TRIM71: variants seen among roughly 807,000 people sequenced by gnomAD.
TRIM71 encodes E3 ubiquitin-protein ligase TRIM71.
TRIM71 carries 9 observed loss-of-function variants against 61.2 expected under a neutral mutation model. The ratio of observed to expected loss-of-function variants is 0.15; its 90% CI spans 0.09 to 0.26. The LOEUF is 0.26. Among genes scored for constraint, TRIM71 ranks in the 10% least tolerant of loss-of-function variants. The pLI, the probability that TRIM71 is intolerant of heterozygous loss-of-function variation, is 1.00. For synonymous variants in TRIM71, 645 were observed against 553.2 expected, an observed-to-expected ratio of 1.17 and a Z score of -2.33; for missense variants, 998 against 1,238.7, an observed-to-expected ratio of 0.81 and a Z score of 2.92.
At chr3:32,846,525 T>C (rs998370216) in intron 1 of TRIM71, among the ~76,000 whole-genome samples, 3 of 152,238 alleles carry the variant, frequency 2.0e-5, no homozygotes, top group Non-Finnish European at 2.9e-5. Flanking sequence ...TTAAAATATT[T>C]AAAATCTGTT....
chr3:32,886,963 G>T (rs1451283978), intron 3 of TRIM71, among the ~76,000 whole-genome samples: 1 of 152,224 alleles, frequency 6.6e-6, no homozygotes. Context: ...TCTGACAAGA[G>T]ACTTTGGAGG....
rs559535924 is a variant in TRIM71 at position 32,839,639 on chromosome 3, G to A, written c.852+20707G>A. Among the ~76,000 whole-genome samples, 566 of 112,424 alleles carry A rather than the reference G, an allele frequency of 5.0e-3. 6 individuals carry two copies. Among genetic ancestry groups the A allele is most frequent in the African/African-American group, 0.018 (546 of 30,166 alleles). 73.8% of individuals were successfully genotyped at this position (112,424 alleles called of 152,430 possible). ...TGTTGAGTCTTCACTGTAGTAAGTC[G>A]AATTGATTATTGAGCTTTTTTTGGG... On this transcript the variant is annotated intron_variant, in intron 1 of 3. Transcript: ENST00000383763.
At chr3:32,889,200 A>G (rs538320300) in intron 3 of TRIM71, among the ~76,000 whole-genome samples, 2 of 152,198 alleles carry the variant, frequency 1.3e-5, no homozygotes, top group South Asian at 2.1e-4. Context: ...AGTACCTCCA[A>G]TGCCTGGCAA....
At chr3:32,884,331 A>G (rs879724041) in intron 2 of TRIM71, among the ~76,000 whole-genome samples, 7 of 152,166 alleles carry the variant, frequency 4.6e-5, no homozygotes, top group Non-Finnish European at 1.0e-4. Flanking sequence ...GAGCAAGTCA[A>G]ACTGTTGGGC....
At chr3:32,873,493 T>C (rs147876863) in intron 1 of TRIM71, among the ~76,000 whole-genome samples, 2 of 152,196 alleles carry the variant, frequency 1.3e-5, no homozygotes, top group South Asian at 2.1e-4. Flanking sequence ...CAAACTCTCA[T>C]GCCAGGAGGT....
intron 1 of TRIM71, among the ~76,000 whole-genome samples, chr3:32,859,285 G>T (rs540704013): frequency 2.1e-4 from 32 of 152,304 alleles, no homozygotes; most frequent in African/African-American, 7.5e-4. Context: ...TTTGGAGACA[G>T]TGTCTCGCTT....
In TRIM71 at chr3:32,894,805, C is replaced by T. The variant is rs868250146; in HGVS notation, c.*2994C>T. ...TGTGAAAAGTACCTGTGTTTAAATGCATAATCTCCTGCCCGGGTAATGCCA... is the reference window on the plus strand; with the variant it reads ...TGTGAAAAGTACCTGTGTTTAAATGTATAATCTCCTGCCCGGGTAATGCCA... On this transcript the variant is annotated 3_prime_UTR_variant, in exon 4 of 4. Transcript: ENST00000383763. 1 of 152,198 alleles carries T rather than the reference C, an allele frequency of 6.6e-6. No individual in the cohort carries two copies. The highest frequency in any genetic ancestry group is 6.5e-5 in the Admixed American group (1 of 15,278). The allele number at this position is 152,198 out of a possible 1,614,324, so 9.4% of individuals were successfully genotyped here.
intron 3 of TRIM71, among the ~76,000 whole-genome samples, chr3:32,886,549 A>T (rs1696963737): frequency 6.6e-6 from 1 of 152,084 alleles, no homozygotes; most frequent in South Asian, 2.1e-4. Flanking sequence ...TTTAGATAAA[A>T]ATCAGCTAGA....
Position 32,818,811 on chromosome 3 carries a change from G to A in TRIM71, c.731G>A (p.Gly244Asp). The A allele has an allele frequency of 1.2e-6, 2 of 1,609,688 alleles. No individual in the cohort carries two copies. Among genetic ancestry groups the A allele is most frequent in the Non-Finnish European group, 1.7e-6 (2 of 1,178,458 alleles). Residue 244 changes from glycine (G) to aspartate (D), a missense_variant, in exon 1 of 4, where the codon GGT becomes GAT. By Grantham distance (94) the Gly-to-Asp change is moderately conservative (BLOSUM62 -1). Transcript: ENST00000383763. ...CACTACATCGAGCGCGGCCCGCCGG[G>A]TCCCGGTGCCGCAGCAGCGGCGCAG... Reference protein sequence around the residue: ...KDHYIERGPPGPGAAAAAQQL... With the variant: ...KDHYIERGPPDPGAAAAAQQL...
chr3:32,891,796 A>G lies in TRIM71; in HGVS notation c.2592A>G (p.Arg864=). ...TTGTGGTGGACTTTGGCAACAATCG[A>G]ATCCTCGTCTTCTAATTGCATTTCC... ...MIVVVDFGNN[R]ILVF is the part of the protein sequence containing the mutation. The change falls in exon 4 of 4, where the codon CGA becomes CGG. Residue 864 remains arginine (R), a synonymous_variant. Transcript: ENST00000383763. The surrounding 1 kb of genome is among the most constrained non-coding windows in gnomAD (Gnocchi z 8.2). 1 of 1,613,600 alleles carries G rather than the reference A, an allele frequency of 6.2e-7. No homozygotes were observed. The highest frequency in any genetic ancestry group is 8.5e-7 in the Non-Finnish European group (1 of 1,179,960).
intron 1 of TRIM71, among the ~76,000 whole-genome samples, chr3:32,859,555 G>A (rs1249593792): frequency 6.6e-6 from 1 of 152,182 alleles, no homozygotes; most frequent in Non-Finnish European, 1.5e-5. Flanking sequence ...ACTGTGCCTG[G>A]CCAACTTTGG....
At chr3:32,840,168 A>G (rs1696387472) in intron 1 of TRIM71, among the ~76,000 whole-genome samples, 1 of 152,124 alleles carries the variant, frequency 6.6e-6, no homozygotes. Context: ...TTGTCAGTGG[A>G]AGAGTGCACC....
chr3:32,851,986 C>A (rs1460875481), intron 1 of TRIM71, among the ~76,000 whole-genome samples: 1 of 152,174 alleles, frequency 6.6e-6, no homozygotes, highest in African/African-American at 2.4e-5. Flanking sequence ...ATTTTCTGTT[C>A]ACTTCCCACT....
rs1006498602 is a variant in TRIM71 at position 32,897,322 on chromosome 3, C to T, written c.*5511C>T. 2.0e-5 allele frequency: 3 copies of T among 152,000 alleles called. No individual in the cohort carries two copies. The highest frequency in any genetic ancestry group is 2.4e-5 in the African/African-American group (1 of 41,380). The allele number at this position is 152,000 out of a possible 1,614,324, so 9.4% of individuals were successfully genotyped here. ...ACATGATATAAGGAATATGCACTAC[C>T]GTAGTAACTCCCCTGGCCGCAGAAA... On this transcript the variant is annotated 3_prime_UTR_variant, in exon 4 of 4. Transcript: ENST00000383763.
intron 1 of TRIM71, among the ~76,000 whole-genome samples, chr3:32,863,194 CCTTTT>C (rs1184041285): frequency 8.5e-6 from 1 of 117,664 alleles, no homozygotes; most frequent in African/African-American, 3.3e-5. Context: ...ATTAATTGAA[CCTTTT>C]TTTTTTTTTT....
intron 1 of TRIM71, among the ~76,000 whole-genome samples, chr3:32,842,449 G>A (rs1319357487): frequency 6.6e-6 from 1 of 152,222 alleles, no homozygotes; most frequent in African/African-American, 2.4e-5. Context: ...AAATTGTCCA[G>A]GATAGACAGG....
In TRIM71 at chr3:32,891,006, A is replaced by G. The variant is rs1459745242; in HGVS notation, c.1802A>G (p.Asp601Gly). The G allele has an allele frequency of 1.2e-6, 2 of 1,613,934 alleles. No homozygotes were observed. Among genetic ancestry groups the G allele is most frequent in the East Asian group, 4.5e-5 (2 of 44,882 alleles). Residue 601 changes from aspartate (D) to glycine (G), a missense_variant, in exon 4 of 4, where the codon GAC becomes GGC. Physicochemically the swap from Asp to Gly is moderately conservative, Grantham distance 94. Transcript: ENST00000383763. This position sits in a 1 kb window ranked among gnomAD's most constrained non-coding sequence, Gnocchi z 8.2. ...LPGLSFGSEGDSDGKLCRPWG... is the reference protein window; with the variant it reads ...LPGLSFGSEGGSDGKLCRPWG... ...GGCCTGAGCTTCGGCAGTGAGGGTG[A>G]CAGCGATGGCAAGCTCTGCCGCCCT...
intron 1 of TRIM71, among the ~76,000 whole-genome samples, chr3:32,821,283 C>G (rs1270351511): frequency 6.6e-6 from 1 of 152,122 alleles, no homozygotes; most frequent in Admixed American, 6.5e-5. Flanking sequence ...ATACTGTCTA[C>G]CTCAATTTTT....
At chr3:32,881,356 A>C in intron 2 of TRIM71, among the ~76,000 whole-genome samples, 1 of 152,218 alleles carries the variant, frequency 6.6e-6, no homozygotes, top group Non-Finnish European at 1.5e-5. Context: ...GTAGCTCCGC[A>C]TACCCAGTAT....
Sources: gnomAD v4.1 joint callset for allele counts (sites outside exome capture counted in the v4.1 genomes callset) on GRCh38, gnomAD v4.1.1 for gene constraint, Gnocchi (gnomAD v3.1) non-coding constraint, MANE v1.5 for transcripts, NCBI Gene and HGNC (gene_info 2026-07-23, HGNC 2026-07-21) for gene names.